Variants in ATP9B observed in about 807,000 individuals in gnomAD.
ATP9B encodes the protein probable phospholipid-transporting ATPase IIB.
In ATP9B, 110 loss-of-function variants were observed where a neutral mutation model predicts 146.1. The ratio of observed to expected loss-of-function variants is 0.75; its 90% confidence interval spans 0.65 to 0.88. ATP9B has a LOEUF of 0.88. Ranked by LOEUF, ATP9B falls within the 40% of genes least tolerant of loss-of-function variation. The pLI is 0.00. For missense variants in ATP9B, 1,499 were observed against 1,496.4 expected (o/e 1.00, Z -0.03); for synonymous variants, 604 against 569.7 (o/e 1.06, Z -0.86).
chr18:79,332,239 C>T (rs1334231147), intron 17 of ATP9B, among the ~76,000 whole-genome samples: 8 of 152,126 alleles, frequency 5.3e-5, no homozygotes, highest in Non-Finnish European at 2.9e-5. Flanking sequence ...ACCCTCCTGG[C>T]TAACACGGTG....
intron 11 of ATP9B, among the ~76,000 whole-genome samples, chr18:79,216,013 A>G (rs894515539): frequency 3.9e-5 from 6 of 152,178 alleles, no homozygotes; most frequent in Non-Finnish European, 8.8e-5. Context: ...ATTCTAATGT[A>G]TGTACAGTTC....
intron 6 of ATP9B, chr18:79,146,389 A>C (rs1259246232): frequency 7.2e-6 from 1 of 138,764 alleles, no homozygotes; most frequent in Non-Finnish European, 1.4e-5. Context: ...CGGTGTGGAG[A>C]GTGACTGAAG....
chr18:79,213,167 A>G (rs1307574902), intron 10 of ATP9B, among the ~76,000 whole-genome samples: 2 of 152,126 alleles, frequency 1.3e-5, no homozygotes, highest in Non-Finnish European at 2.9e-5. Flanking sequence ...TTATGTGTAT[A>G]TACTTTCTCA....
chr18:79,233,372 CTG>C (rs2095810267), intron 11 of ATP9B, among the ~76,000 whole-genome samples: 1 of 152,126 alleles, frequency 6.6e-6, no homozygotes, highest in East Asian at 1.9e-4. Flanking sequence ...AGTAATAAGT[CTG>C]AGATCTTTCC....
chr18:79,281,126 A>G (rs1025402120), intron 13 of ATP9B, among the ~76,000 whole-genome samples: 6 of 152,218 alleles, frequency 3.9e-5, no homozygotes, highest in African/African-American at 7.2e-5. Context: ...AAAACCATCA[A>G]TGATTAATAC....
rs571502372 is a variant in ATP9B, at chr18:79,170,041, G to A, written c.779-6772G>A. Among the ~76,000 whole-genome samples the A allele has an allele frequency of 2.0e-5, 3 of 152,260 alleles. No individual in the cohort carries two copies. In the South Asian group the frequency reaches 6.2e-4, roughly 32 times the overall value. ...CCCTTGTCTTTAATGCTTCCGTTTT[G>A]CTGCGGTGATCACTTGCAAGCTGAC... On this transcript the variant is annotated intron_variant, in intron 7 of 29. Coordinates refer to ENST00000426216, the MANE Select transcript of ATP9B (RefSeq NM_198531.5).
At chr18:79,217,924 C>A (rs1169990516) in intron 11 of ATP9B, among the ~76,000 whole-genome samples, 1 of 152,204 alleles carries the variant, frequency 6.6e-6, no homozygotes, top group African/African-American at 2.4e-5. Context: ...TTCTAACACT[C>A]AATTCTGACA....
intron 23 of ATP9B, among the ~76,000 whole-genome samples, chr18:79,346,040 ACT>A (rs1868898303): frequency 6.6e-6 from 1 of 151,428 alleles, no homozygotes; most frequent in African/African-American, 2.4e-5. Context: ...GTCAGCACAC[ACT>A]CGGTACACGC....
intron 13 of ATP9B, among the ~76,000 whole-genome samples, chr18:79,293,896 C>T (rs10438901): frequency 0.43 from 64,577 of 151,896 alleles, 14,071 homozygotes; most frequent in Middle Eastern, 0.55. Flanking sequence ...ATTTTAGCAT[C>T]GCCTTGCATG....
chr18:79,327,701 GTGCT>G (rs1448429247), intron 15 of ATP9B, among the ~76,000 whole-genome samples: 28 of 143,234 alleles, frequency 2.0e-4, no homozygotes, highest in African/African-American at 3.2e-4. Flanking sequence ...CGTGGTTAGT[GTGCT>G]CTCTCCATGG....
intron 17 of ATP9B, among the ~76,000 whole-genome samples, chr18:79,331,633 C>A (rs2096790497): frequency 6.6e-6 from 1 of 152,000 alleles, no homozygotes; most frequent in South Asian, 2.1e-4. Flanking sequence ...GCAGCAGATT[C>A]TTCGAGCTGG....
intron 13 of ATP9B, among the ~76,000 whole-genome samples, chr18:79,277,740 A>C (rs1403140902): frequency 6.6e-6 from 1 of 152,224 alleles, no homozygotes; most frequent in African/African-American, 2.4e-5. Flanking sequence ...AATCCGTAAC[A>C]GATTAAAGAC....
chr18:79,099,447 C>G (rs746262738), intron 2 of ATP9B, among the ~76,000 whole-genome samples: 1 of 152,176 alleles, frequency 6.6e-6, no homozygotes, highest in Non-Finnish European at 1.5e-5. Context: ...TCTCAAACTC[C>G]TGACCTCAAG....
chr18:79,290,441 G>A (rs1381905421), intron 13 of ATP9B, among the ~76,000 whole-genome samples: 1 of 152,174 alleles, frequency 6.6e-6, no homozygotes, highest in African/African-American at 2.4e-5. Context: ...ATAATCTCAT[G>A]GTGCGCCCTT....
chr18:79,196,908 A>T (rs376722859), intron 9 of ATP9B, among the ~76,000 whole-genome samples: 2 of 152,228 alleles, frequency 1.3e-5, no homozygotes, highest in African/African-American at 4.8e-5. Context: ...TTTAACATCT[A>T]CCTGCAGTTC....
In ATP9B at chr18:79,277,200, C is replaced by G. The variant is rs201340964; in HGVS notation, c.1411+4C>G. 3.0e-3 allele frequency: 4,767 copies of G among 1,614,154 alleles called. 20 individuals are homozygous for G. The highest frequency in any genetic ancestry group is 7.6e-3 in the South Asian group (691 of 91,084). ...TATTTATTGACAGACAAAACAGGTA[C>G]TGTTCGTGGTCTGTGTTCACCTTTG... is the stretch of plus-strand genomic sequence containing the variant. On this transcript the variant is annotated splice_donor_region_variant and intron_variant, in intron 13 of 29. Coordinates refer to ENST00000426216, the MANE Select transcript of ATP9B (RefSeq NM_198531.5).
chr18:79,198,675 A>G (rs1052599578), intron 9 of ATP9B, among the ~76,000 whole-genome samples: 7 of 152,232 alleles, frequency 4.6e-5, no homozygotes, highest in African/African-American at 1.7e-4. Flanking sequence ...TTGTCACACA[A>G]TGATAAGTAT....
At chr18:79,117,918 T>G (rs1352660706) in intron 4 of ATP9B, 1 of 152,260 alleles carries the variant, frequency 6.6e-6, no homozygotes, top group Non-Finnish European at 1.5e-5. Flanking sequence ...ATATGCAATA[T>G]TATTTTGTAT....
At chr18:79,092,515 T>C (rs905799867) in intron 1 of ATP9B, among the ~76,000 whole-genome samples, 18 of 152,310 alleles carry the variant, frequency 1.2e-4, no homozygotes, top group East Asian at 9.6e-4. Context: ...TAAAAACTTA[T>C]TGACTTTTTT....
Sources: gnomAD v4.1 joint callset for allele counts (sites outside exome capture counted in the v4.1 genomes callset) on GRCh38, gnomAD v4.1.1 for gene constraint, MANE v1.5 for transcripts, NCBI Gene and HGNC (gene_info 2026-07-23, HGNC 2026-07-21) for gene names.